ADGRF3: variants seen among roughly 807,000 people sequenced by gnomAD.
The protein encoded by ADGRF3 is adhesion G protein-coupled receptor F3.
In ADGRF3, 85 loss-of-function variants were observed where a neutral mutation model predicts 93.2. The ratio of observed to expected loss-of-function variants is 0.91; its 90% CI spans 0.77 to 1.09. The LOEUF (loss-of-function observed/expected upper bound fraction) is 1.09, where lower values mean the gene tolerates loss of function less well. Among genes scored for constraint, ADGRF3 ranks in the 50% least tolerant of loss-of-function variants. ADGRF3 has a pLI of 0.00. For synonymous variants in ADGRF3, 534 were observed against 532.5 expected, an observed-to-expected ratio of 1.00 and a Z score of -0.04; for missense variants, 1,125 against 1,246.2, an observed-to-expected ratio of 0.90 and a Z score of 1.46.
At chr2:26,316,040 C>T (rs560266120) in intron 4 of ADGRF3, among the ~76,000 whole-genome samples, 1 of 152,280 alleles carries the variant, frequency 6.6e-6, no homozygotes, top group East Asian at 1.9e-4. Context: ...AAAGCAGTCA[C>T]TCCAGCACTT....
At chr2:26,318,765 T>C in intron 1 of ADGRF3, 1 of 788,624 alleles carries the variant, frequency 1.3e-6, no homozygotes, top group Admixed American at 2.7e-5. Flanking sequence ...AAACAAGAGC[T>C]ATCCCCCACA....
rs1221160490 is a variant in ADGRF3 at position 26,319,565 on chromosome 2, CCCTTCCTT to C, written c.115-2011_115-2004del. On this transcript the variant is annotated intron_variant, in intron 1 of 13. Coordinates refer to ENST00000651242, the MANE Select transcript of ADGRF3 (RefSeq NM_001321971.2). ...TCTTTCTCTCCCTCCCTCCCTCCCT[CCCTTCCTT>C]CCTTCCTTCCTTCCTTCCTTCCTTC... 8.8e-3 allele frequency among the ~76,000 whole-genome samples: 422 copies of C among 48,142 alleles called. 2 individuals are homozygous for C. The highest frequency in any genetic ancestry group is 0.039 in the South Asian group (34 of 878). The allele number at this position is 48,142 out of a possible 152,430, so 31.6% of individuals were successfully genotyped here.
At position 26,345,511 on chromosome 2, in the gene ADGRF3, T is replaced by G. The variant is rs557155450; in HGVS notation, c.114+610A>C. 1.4e-4 allele frequency among the ~76,000 whole-genome samples: 22 copies of G among 152,206 alleles called. 1 individual carries two copies. The highest frequency in any genetic ancestry group is 3.4e-3 in the Middle Eastern group (1 of 294). The stretch of plus-strand genomic sequence containing the variant: ...CTGAGGGGCTTGTCTCCAATGTCCT[T>G]TCACCTGTCTTTCAAGTCCCTCTGC... On this transcript the variant is annotated intron_variant, in intron 1 of 13. Coordinates refer to ENST00000651242, the MANE Select transcript of ADGRF3 (RefSeq NM_001321971.2).
At chr2:26,328,943 A>G (rs896418288) in intron 1 of ADGRF3, among the ~76,000 whole-genome samples, 1 of 152,190 alleles carries the variant, frequency 6.6e-6, no homozygotes, top group Non-Finnish European at 1.5e-5. Context: ...CCATGTGCAA[A>G]TCCCTAGAAC....
chr2:26,309,674 G>C, intron 12 of ADGRF3, 93 bp from the exon 13 acceptor site: 2 of 1,494,882 alleles, frequency 1.3e-6, no homozygotes, highest in Non-Finnish European at 1.8e-6. Context: ...TTTCTCACAT[G>C]CACTCCTGCC....
intron 13 of ADGRF3, 157 bp downstream of exon 13, chr2:26,309,369 A>T (rs1003257217): frequency 1.9e-5 from 28 of 1,489,936 alleles, no homozygotes; most frequent in Non-Finnish European, 2.5e-5. Context: ...CCAGCCATCT[A>T]GCAATGGCTA....
chr2:26,329,528 C>T (rs1042860094), intron 1 of ADGRF3, among the ~76,000 whole-genome samples: 1 of 152,214 alleles, frequency 6.6e-6, no homozygotes, highest in African/African-American at 2.4e-5. Context: ...GGATTCTTCC[C>T]TGCGGTTTCC....
At chr2:26,317,976 C>A in intron 1 of ADGRF3, 2 of 1,463,370 alleles carry the variant, frequency 1.4e-6, no homozygotes, top group Non-Finnish European at 1.9e-6. Flanking sequence ...CAGCCTCTTT[C>A]CTCCGTCTTT....
chr2:26,323,633 G>GTTTT (rs71399383), intron 1 of ADGRF3, among the ~76,000 whole-genome samples: 7 of 138,850 alleles, frequency 5.0e-5, no homozygotes, highest in Non-Finnish European at 9.3e-5. Flanking sequence ...TTCTGTGTTT[G>GTTTT]TTTTTTTTTT....
intron 1 of ADGRF3, among the ~76,000 whole-genome samples, chr2:26,336,648 C>T (rs984148117): frequency 6.9e-6 from 1 of 145,564 alleles, no homozygotes; most frequent in African/African-American, 2.6e-5. Flanking sequence ...ATCTCTTCAG[C>T]CCAGGAGGTG....
chr2:26,332,076 A>G (rs538026931), intron 1 of ADGRF3, among the ~76,000 whole-genome samples: 2 of 152,244 alleles, frequency 1.3e-5, no homozygotes, highest in East Asian at 1.9e-4. Context: ...TTCTTTAGAG[A>G]TGATAACATG....
At chr2:26,310,278 G>A in intron 10 of ADGRF3, 41 bp from the exon 11 acceptor site, 1 of 1,608,708 alleles carries the variant, frequency 6.2e-7, no homozygotes, top group Non-Finnish European at 8.5e-7. Flanking sequence ...CAAGGAGGAA[G>A]GGATCCACCC....
intron 1 of ADGRF3, among the ~76,000 whole-genome samples, chr2:26,332,312 G>A (rs1675811018): frequency 6.6e-6 from 1 of 152,184 alleles, no homozygotes; most frequent in Non-Finnish European, 1.5e-5. Context: ...TGGGATCATT[G>A]CTGCCAGAGG....
At chr2:26,321,275 G>A (rs1675134991) in intron 1 of ADGRF3, among the ~76,000 whole-genome samples, 1 of 152,160 alleles carries the variant, frequency 6.6e-6, no homozygotes, top group African/African-American at 2.4e-5. Flanking sequence ...CATGAAAATG[G>A]TGGAGAATCT....
At chr2:26,336,348 G>T (rs1676037304) in intron 1 of ADGRF3, among the ~76,000 whole-genome samples, 1 of 151,806 alleles carries the variant, frequency 6.6e-6, no homozygotes, top group Non-Finnish European at 1.5e-5. Context: ...GTGTGTGTTT[G>T]TATGTATGTG....
Position 26,313,741 on chromosome 2 carries a change from G to A in ADGRF3, c.1072+19C>T, listed in dbSNP as rs1330423644. On this transcript the variant is annotated intron_variant, in intron 7 of 13. Transcript: ENST00000651242. Reference sequence around the variant, plus strand: ...GCAAGCAGCTGGGACCAGCCCACTGGGCCCCAGGCCCTGCGTACCCTGGAT... The same window carrying A: ...GCAAGCAGCTGGGACCAGCCCACTGAGCCCCAGGCCCTGCGTACCCTGGAT... The A allele has an allele frequency of 1.2e-6, 2 of 1,612,922 alleles. No individual in the cohort carries two copies. Among genetic ancestry groups the A allele is most frequent in the Non-Finnish European group, 1.7e-6 (2 of 1,179,612 alleles).
At chr2:26,320,193 G>C (rs1309933383) in intron 1 of ADGRF3, among the ~76,000 whole-genome samples, 2 of 152,196 alleles carry the variant, frequency 1.3e-5, no homozygotes, top group Non-Finnish European at 2.9e-5. Flanking sequence ...CACTGAAGAA[G>C]GAATAGAAAT....
chr2:26,345,988 G>A (rs1429058171), intron 1 of ADGRF3, 133 bp downstream of exon 1: 55 of 865,400 alleles, frequency 6.4e-5, no homozygotes, highest in Non-Finnish European at 9.6e-5. Flanking sequence ...GTCGGGGGAC[G>A]GGCCGCTCGA....
intron 1 of ADGRF3, among the ~76,000 whole-genome samples, chr2:26,328,317 A>C (rs1646883605): frequency 6.6e-6 from 1 of 152,044 alleles, no homozygotes; most frequent in Non-Finnish European, 1.5e-5. Flanking sequence ...CTTTGGACTT[A>C]TCCTTTTTGG....
Sources: gnomAD v4.1 joint callset for allele counts (sites outside exome capture counted in the v4.1 genomes callset) on GRCh38, gnomAD v4.1.1 for gene constraint, MANE v1.5 for transcripts, NCBI Gene and HGNC (gene_info 2026-07-23, HGNC 2026-07-21) for gene names.